The following B3GALNT2 variants were observed in gnomAD, a reference collection of about 807,000 sequenced individuals.
The protein encoded by B3GALNT2 is UDP-GalNAc:beta-1,3-N-acetylgalactosaminyltransferase 2.
B3GALNT2 carries 53 observed loss-of-function variants against 61.1 expected under a neutral mutation model. The ratio of observed to expected loss-of-function variants is 0.87; its 90% CI spans 0.70 to 1.09. The LOEUF (loss-of-function observed/expected upper bound fraction) is 1.09. B3GALNT2 is among the 50% of genes least tolerant of loss of function. The pLI, the probability that B3GALNT2 is intolerant of heterozygous loss-of-function variation, is 0.00. For missense variants in B3GALNT2, 544 were observed against 623.0 expected (o/e 0.87, Z 1.35); for synonymous variants, 223 against 237.4 (o/e 0.94, Z 0.56).
intron 1 of B3GALNT2, among the ~76,000 whole-genome samples, chr1:235,499,517 G>A (rs1685491275): frequency 6.6e-6 from 1 of 152,142 alleles, no homozygotes; most frequent in Non-Finnish European, 1.5e-5. Flanking sequence ...CATAATGTCA[G>A]GACTAAATCA....
intron 10 of B3GALNT2, among the ~76,000 whole-genome samples, chr1:235,453,791 AGGC>A (rs1426985459): frequency 1.3e-5 from 2 of 152,160 alleles, no homozygotes; most frequent in Non-Finnish European, 2.9e-5. Flanking sequence ...CATAATAAGT[AGGC>A]TCAAAAAAGA....
In B3GALNT2 at chr1:235,458,631, G is replaced by T. The variant is rs1284326503; in HGVS notation, c.997C>A (p.Pro333Thr). 6.2e-7 allele frequency: 1 copy of T among 1,607,642 alleles called. No homozygotes were observed. The highest frequency in any genetic ancestry group is 8.5e-7 in the Non-Finnish European group (1 of 1,178,082). ...CTATAGAAGTTCAATAATTTTGCAG[G>T]AACATTACGATAAGTGTCGACAACA... ...VDVVDTYRNV[P>T]AKLLNFYRWT... Residue 333 changes from proline to threonine, a missense_variant, in exon 8 of 12, where the codon CCT (proline) becomes ACT (threonine). Physicochemically the swap from Pro to Thr is conservative, Grantham distance 38 (BLOSUM62 -1). Coordinates refer to ENST00000366600, the MANE Select transcript of B3GALNT2 (RefSeq NM_152490.5).
At chr1:235,491,671 T>C (rs1238835037) in intron 2 of B3GALNT2, among the ~76,000 whole-genome samples, 1 of 152,144 alleles carries the variant, frequency 6.6e-6, no homozygotes, top group Admixed American at 6.5e-5. Context: ...GACCTTATTC[T>C]CTCACAAGGT....
chr1:235,452,918 A>C (rs1324056085), intron 11 of B3GALNT2, among the ~76,000 whole-genome samples, 172 bp downstream of exon 11: 1 of 152,220 alleles, frequency 6.6e-6, no homozygotes, highest in Non-Finnish European at 1.5e-5. Flanking sequence ...TCAGATTTTC[A>C]GATTTGGAAT....
intron 7 of B3GALNT2, among the ~76,000 whole-genome samples, chr1:235,460,698 C>G (rs1229665328): frequency 1.3e-5 from 2 of 151,676 alleles, no homozygotes. Context: ...CTCAGCTTCC[C>G]AAGTAGCTGG....
At chr1:235,440,231 G>A in the B3GALNT2 span, among the ~76,000 whole-genome samples, 125 of 151,960 alleles carry the variant, frequency 8.2e-4, no homozygotes, top group African/African-American at 1.4e-3. Flanking sequence ...TGGCCTCCCA[G>A]AGTGCTGGGA....
chr1:235,458,763 G>A lies in B3GALNT2; in HGVS notation c.865C>T (p.Leu289Phe), dbSNP rs185213208. The A allele has an allele frequency of 4.0e-4, 638 of 1,598,248 alleles. No individual in the cohort carries two copies. Among genetic ancestry groups the A allele is most frequent in the Non-Finnish European group, 5.1e-4 (602 of 1,175,124 alleles). The part of the protein sequence containing the change: ...IQEGDALLHN[L>F]HSRPQRLIDH... ...ATAAGTCTTTGAGGGCGAGAATGAA[G>A]GTTGTGTAAGAGAGCATCACCTTCT... is the stretch of plus-strand genomic sequence containing the variant. Residue 289 changes from leucine to phenylalanine, a missense_variant, in exon 8 of 12, where the codon CTT becomes TTT. Transcript: ENST00000366600.
chr1:235,501,583 G>A (rs1223819568), intron 1 of B3GALNT2, among the ~76,000 whole-genome samples: 5 of 152,168 alleles, frequency 3.3e-5, no homozygotes, highest in African/African-American at 1.2e-4. Flanking sequence ...GATTACTGCT[G>A]TAATTCCACA....
At chr1:235,470,816 A>G in intron 6 of B3GALNT2, 34 bp downstream of exon 6, 1 of 1,599,844 alleles carries the variant, frequency 6.3e-7, no homozygotes, top group Non-Finnish European at 8.5e-7. Flanking sequence ...AGAAGCTAAA[A>G]TATGCAATTA....
intron 5 of B3GALNT2, 120 bp from the exon 6 acceptor site, chr1:235,471,080 C>T (rs1683982452): frequency 4.0e-6 from 6 of 1,486,040 alleles, no homozygotes; most frequent in Non-Finnish European, 5.4e-6. Flanking sequence ...TTAAAATTTT[C>T]ACCCCATAAC....
intron 2 of B3GALNT2, among the ~76,000 whole-genome samples, chr1:235,494,462 T>TA (rs1685218476): frequency 1.3e-5 from 2 of 151,824 alleles, no homozygotes; most frequent in South Asian, 4.1e-4. Flanking sequence ...AGAACTTTTT[T>TA]TTTTTTTAAA....
At chr1:235,478,520 G>A (rs1218914341) in intron 5 of B3GALNT2, among the ~76,000 whole-genome samples, 1 of 152,184 alleles carries the variant, frequency 6.6e-6, no homozygotes, top group Non-Finnish European at 1.5e-5. Context: ...CTCCAGGAAG[G>A]AATCATCTGA....
intron 4 of B3GALNT2, among the ~76,000 whole-genome samples, chr1:235,483,320 A>C (rs183479458): frequency 2.9e-4 from 44 of 152,360 alleles, no homozygotes; most frequent in African/African-American, 7.2e-4. Flanking sequence ...AGGAATAGAG[A>C]GAGCGAGCGA....
At chr1:235,492,575 G>A (rs1434774812) in intron 2 of B3GALNT2, among the ~76,000 whole-genome samples, 2 of 152,168 alleles carry the variant, frequency 1.3e-5, no homozygotes, top group African/African-American at 4.8e-5. Context: ...TTTAGGTATT[G>A]GGAATACACC....
At chr1:235,463,562 ATTTCT>A (rs1324093206) in intron 7 of B3GALNT2, 1 of 141,634 alleles carries the variant, frequency 7.1e-6, no homozygotes, top group Non-Finnish European at 1.5e-5. Flanking sequence ...ACATTTCCTA[ATTTCT>A]TTTTTTTTTT....
At chr1:235,491,542 T>C (rs1482715376) in intron 2 of B3GALNT2, among the ~76,000 whole-genome samples, 3 of 152,334 alleles carry the variant, frequency 2.0e-5, no homozygotes, top group Middle Eastern at 3.4e-3. Flanking sequence ...ACTGAGCTTC[T>C]TTCCCATGAA....
At chr1:235,439,866 A>G in the B3GALNT2 span, among the ~76,000 whole-genome samples, 1 of 151,996 alleles carries the variant, frequency 6.6e-6, no homozygotes, top group African/African-American at 2.4e-5. Context: ...CAGTGGCACA[A>G]TCTCAGCTCA....
At chr1:235,500,238 A>G (rs1305665487) in intron 1 of B3GALNT2, among the ~76,000 whole-genome samples, 1 of 152,194 alleles carries the variant, frequency 6.6e-6, no homozygotes, top group East Asian at 1.9e-4. Flanking sequence ...CATGCCTGTA[A>G]TCCTAGCACT....
In B3GALNT2 at chr1:235,499,154, CAT is replaced by C. The variant is rs1336623600; in HGVS notation, c.113-4328_113-4327del. Among the ~76,000 whole-genome samples the C allele has an allele frequency of 2.0e-5, 3 of 152,292 alleles. No individual in the cohort carries two copies. The East Asian group carries it at 5.8e-4, about 29-fold the overall frequency. ...GAATACTATGCAGCCATTAAAATTA[CAT>C]GTTAATCATATCATTAAACATTATT... is the stretch of plus-strand genomic sequence containing the variant. On this transcript the variant is annotated intron_variant, in intron 1 of 11. Transcript: ENST00000366600.
Sources: gnomAD v4.1 joint callset for allele counts (sites outside exome capture counted in the v4.1 genomes callset) on GRCh38, gnomAD v4.1.1 for gene constraint, MANE v1.5 for transcripts, NCBI Gene and HGNC (gene_info 2026-07-23, HGNC 2026-07-21) for gene names.